LMCD1: variants seen among roughly 807,000 people sequenced by gnomAD.
LMCD1 encodes the protein LIM and cysteine-rich domains protein 1.
A neutral mutation model predicts 42.7 loss-of-function variants in LMCD1; 32 were observed. The ratio of observed to expected loss-of-function variants is 0.75; its 90% CI spans 0.57 to 1.01. LMCD1 has a LOEUF of 1.01. Among genes scored for constraint, LMCD1 ranks in the 50% least tolerant of loss-of-function variants. The probability of loss-of-function intolerance (pLI) is 0.00; values close to 1 mark genes in which losing one functional copy is unlikely to be tolerated. For missense variants in LMCD1, 458 were observed against 483.1 expected, an observed-to-expected ratio of 0.95 and a Z score of 0.49; for synonymous variants, 178 against 184.9, an observed-to-expected ratio of 0.96 and a Z score of 0.30.
chr3:8,568,787 T>G lies in LMCD1; in HGVS notation c.*1189T>G, dbSNP rs1272763471. On this transcript the variant is annotated 3_prime_UTR_variant, in exon 6 of 6. Coordinates refer to ENST00000157600, the MANE Select transcript of LMCD1 (RefSeq NM_014583.4). ...TTCTAAGAAAAACATATTTTTCTAC[T>G]GGGAGTATAAGGATGAAAAAGACAC... 5.9e-5 allele frequency: 9 copies of G among 152,218 alleles called. No individual in the cohort carries two copies. The highest frequency in any genetic ancestry group is 4.6e-4 in the Admixed American group (7 of 15,280). 9.4% of individuals were successfully genotyped at this position (152,218 alleles called of 1,614,324 possible). A position where few individuals can be genotyped will look rare whatever the true frequency, so the allele number is the denominator to read the frequency against.
At chr3:8,531,453 C>A (rs1694410459) in intron 1 of LMCD1, among the ~76,000 whole-genome samples, 1 of 152,148 alleles carries the variant, frequency 6.6e-6, no homozygotes, top group Non-Finnish European at 1.5e-5. Flanking sequence ...AGAGCAGTTA[C>A]CATGTCTAGT....
chr3:8,518,933 G>A (rs555826155), intron 1 of LMCD1, among the ~76,000 whole-genome samples: 1 of 152,256 alleles, frequency 6.6e-6, no homozygotes, highest in Admixed American at 6.5e-5. Context: ...TCAGATGCAG[G>A]ATATCTAACA....
chr3:8,503,780 G>A (rs920950890), intron 1 of LMCD1, among the ~76,000 whole-genome samples: 2 of 152,138 alleles, frequency 1.3e-5, no homozygotes, highest in Non-Finnish European at 2.9e-5. Context: ...AATAGTTCAC[G>A]GCTAAAGGTG....
At chr3:8,554,296 C>T (rs1694892519) in intron 4 of LMCD1, among the ~76,000 whole-genome samples, 1 of 151,948 alleles carries the variant, frequency 6.6e-6, no homozygotes, top group South Asian at 2.1e-4. Flanking sequence ...AGCGGGGCTT[C>T]GGTTCAATCC....
intron 3 of LMCD1, among the ~76,000 whole-genome samples, chr3:8,547,810 C>T (rs867777151): frequency 9.2e-5 from 14 of 151,694 alleles, no homozygotes; most frequent in South Asian, 6.3e-4. Flanking sequence ...GGCGTGAACC[C>T]GGGAGGCAGA....
At chr3:8,564,848 TC>T (rs1695098941) in intron 4 of LMCD1, among the ~76,000 whole-genome samples, 1 of 152,212 alleles carries the variant, frequency 6.6e-6, no homozygotes, top group South Asian at 2.1e-4. Context: ...CAGATTTTCT[TC>T]ATGTATTTCA....
At chr3:8,540,873 C>T (rs775748107) in intron 3 of LMCD1, among the ~76,000 whole-genome samples, 8 of 152,184 alleles carry the variant, frequency 5.3e-5, no homozygotes, top group Admixed American at 5.2e-4. Context: ...GTGGCACTTA[C>T]TCATACCTCG....
At chr3:8,517,043 G>A (rs1694113980) in intron 1 of LMCD1, among the ~76,000 whole-genome samples, 1 of 152,276 alleles carries the variant, frequency 6.6e-6, no homozygotes, top group South Asian at 2.1e-4. Context: ...AGATCCAGAG[G>A]GATTAAGTCC....
rs933202708 is a variant in LMCD1, at chr3:8,513,358, G to A, written c.42+11378G>A. 2.0e-5 allele frequency among the ~76,000 whole-genome samples: 3 copies of A among 152,244 alleles called. No homozygotes were observed. In the Middle Eastern group the frequency reaches 0.01, roughly 518 times the overall value. Reference sequence around the variant, plus strand: ...CAGGGTTTGTCTGGGGATCCATCTTGTTACTTGTGCCAGCTCCTCCACCTG... The same window carrying A: ...CAGGGTTTGTCTGGGGATCCATCTTATTACTTGTGCCAGCTCCTCCACCTG... On this transcript the variant is annotated intron_variant, in intron 1 of 5. Coordinates refer to ENST00000157600, the MANE Select transcript of LMCD1 (RefSeq NM_014583.4).
intron 4 of LMCD1, among the ~76,000 whole-genome samples, chr3:8,557,993 C>T (rs1417287854): frequency 1.3e-5 from 2 of 152,166 alleles, no homozygotes; most frequent in Admixed American, 1.3e-4. Flanking sequence ...CGTGGTTGCC[C>T]TCAGATGGAA....
chr3:8,543,000 T>A (rs1694656320), intron 3 of LMCD1, among the ~76,000 whole-genome samples: 4 of 152,200 alleles, frequency 2.6e-5, no homozygotes, highest in Admixed American at 2.6e-4. Flanking sequence ...TACTCTCCCA[T>A]GAGCCGAATC....
intron 2 of LMCD1, among the ~76,000 whole-genome samples, 179 bp downstream of exon 2, chr3:8,533,004 G>C (rs1465569347): frequency 6.6e-6 from 1 of 152,140 alleles, no homozygotes; most frequent in Non-Finnish European, 1.5e-5. Context: ...AGTCCTTGGG[G>C]GAGTGTGGCG....
intron 3 of LMCD1, among the ~76,000 whole-genome samples, chr3:8,547,871 G>A (rs1694767509): frequency 6.6e-6 from 1 of 151,184 alleles, no homozygotes; most frequent in African/African-American, 2.4e-5. Flanking sequence ...GGGCAACAGA[G>A]CGAGACTCCA....
chr3:8,526,330 G>A (rs1054461516), intron 1 of LMCD1, among the ~76,000 whole-genome samples: 3 of 152,124 alleles, frequency 2.0e-5, no homozygotes, highest in Non-Finnish European at 4.4e-5. Context: ...ATTAAAATGT[G>A]GATCTGGAAT....
At position 8,570,109 on chromosome 3, in the gene LMCD1, A is replaced by G. The variant is rs548927840; in HGVS notation, c.*2511A>G. 6.6e-6 allele frequency: 1 copy of G among 152,568 alleles called. No homozygotes were observed. The highest frequency in any genetic ancestry group is 2.4e-5 in the African/African-American group (1 of 41,566). 9.5% of individuals were successfully genotyped at this position (152,568 alleles called of 1,614,324 possible). On this transcript the variant is annotated 3_prime_UTR_variant, in exon 6 of 6. Coordinates refer to ENST00000157600, the MANE Select transcript of LMCD1 (RefSeq NM_014583.4). Reference sequence around the variant, plus strand: ...AGCCCCACCAGTTTATTCAACACCTATTTGCTGGTGTTGGAGATACAGTGG... The same window carrying G: ...AGCCCCACCAGTTTATTCAACACCTGTTTGCTGGTGTTGGAGATACAGTGG...
chr3:8,556,145 A>T (rs955872736), intron 4 of LMCD1, among the ~76,000 whole-genome samples: 1 of 152,226 alleles, frequency 6.6e-6, no homozygotes, highest in African/African-American at 2.4e-5. Context: ...TATGCCAGGC[A>T]CTGTGCCAGA....
intron 3 of LMCD1, among the ~76,000 whole-genome samples, chr3:8,543,036 T>G (rs1313892545): frequency 6.6e-6 from 1 of 152,190 alleles, no homozygotes; most frequent in Non-Finnish European, 1.5e-5. Context: ...GCTTCGGAAC[T>G]TGGTGTTAGT....
At chr3:8,540,150 AT>A (rs1694596194) in intron 3 of LMCD1, among the ~76,000 whole-genome samples, 2 of 152,136 alleles carry the variant, frequency 1.3e-5, no homozygotes, top group South Asian at 4.1e-4. Flanking sequence ...CAAACACCGC[AT>A]GTTCTCACTC....
At position 8,537,415 on chromosome 3, in the gene LMCD1, C is replaced by A; in HGVS notation, c.362C>A (p.Ala121Asp). 1.9e-6 allele frequency: 3 copies of A among 1,604,108 alleles called. No individual in the cohort carries two copies. The highest frequency in any genetic ancestry group is 1.7e-6 in the Non-Finnish European group (2 of 1,173,152). The change falls in exon 3 of 6, where the codon GCT (alanine) becomes GAT (aspartate). Residue 121 changes from alanine to aspartate, a missense_variant. Physicochemically the swap from Ala to Asp is moderately radical, Grantham distance 126 (BLOSUM62 -2). Coordinates refer to ENST00000157600, the MANE Select transcript of LMCD1 (RefSeq NM_014583.4). ...TTTGACACCATCACCTACGAGTGGG[C>A]TCCCCCTGGAGTCACCCAGAAACTG... Reference protein sequence around the residue: ...PTFDTITYEWAPPGVTQKLGL... With the variant: ...PTFDTITYEWDPPGVTQKLGL...
Sources: allele counts gnomAD v4.1 joint callset (sites outside exome capture counted in the v4.1 genomes callset), GRCh38; gene constraint gnomAD v4.1.1; transcripts MANE v1.5; gene names NCBI Gene and HGNC (gene_info 2026-07-23, HGNC 2026-07-21).